CEP83: variants seen among roughly 807,000 people sequenced by gnomAD.
The protein encoded by CEP83 is centrosomal protein of 83 kDa.
CEP83 carries 70 observed loss-of-function variants against 101.9 expected under a neutral mutation model. The observed-to-expected ratio is 0.69, with a 90% CI of 0.57 to 0.84. The LOEUF (loss-of-function observed/expected upper bound fraction) is 0.84. Ranked by LOEUF, CEP83 falls within the 40% of genes least tolerant of loss-of-function variation. CEP83 has a pLI of 0.00. For synonymous variants in CEP83, 264 were observed against 267.9 expected (o/e 0.99, Z 0.14); for missense variants, 715 against 787.2 (o/e 0.91, Z 1.10).
At chr12:94,269,689 ATAC>A in the CEP83 span, among the ~76,000 whole-genome samples, 1 of 152,208 alleles carries the variant, frequency 6.6e-6, no homozygotes, top group East Asian at 1.9e-4. Context: ...CTTGTTTTTA[ATAC>A]TCCTACCATT....
At chr12:94,438,658 A>T (rs1208639963) in intron 1 of CEP83, among the ~76,000 whole-genome samples, 1 of 152,246 alleles carries the variant, frequency 6.6e-6, no homozygotes, top group African/African-American at 2.4e-5. Flanking sequence ...TCAACAAGGA[A>T]ACAACAGACT....
chr12:94,450,187 T>C (rs972127830), intron 1 of CEP83, among the ~76,000 whole-genome samples: 6 of 152,200 alleles, frequency 3.9e-5, no homozygotes, highest in South Asian at 4.2e-4. Flanking sequence ...ATAAATAACA[T>C]TGAGATTGGA....
At chr12:94,433,941 T>A (rs552000707) in intron 2 of CEP83, 1 of 152,314 alleles carries the variant, frequency 6.6e-6, no homozygotes, top group Admixed American at 6.5e-5. Flanking sequence ...TACACTGACC[T>A]TTGGCAAATG....
chr12:94,281,366 G>A, the CEP83 span, among the ~76,000 whole-genome samples: 96,203 of 151,986 alleles, frequency 0.63, 30,438 homozygotes, highest in Middle Eastern at 0.68. Flanking sequence ...ACTCAAAAAC[G>A]CAGATGCCCA....
the CEP83 span, among the ~76,000 whole-genome samples, chr12:94,285,918 T>TG: frequency 3.3e-5 from 5 of 152,050 alleles, no homozygotes; most frequent in South Asian, 8.3e-4. Context: ...TTGGCCACTG[T>TG]GGGGCATGGG....
At chr12:94,310,447 C>T (rs1311373062) in intron 15 of CEP83, among the ~76,000 whole-genome samples, 1 of 152,120 alleles carries the variant, frequency 6.6e-6, no homozygotes, top group Non-Finnish European at 1.5e-5. Context: ...AAAAGAGTGC[C>T]TTATCTTACA....
intron 2 of CEP83, among the ~76,000 whole-genome samples, chr12:94,421,766 G>A (rs1566157500): frequency 6.6e-6 from 1 of 152,276 alleles, no homozygotes; most frequent in East Asian, 1.9e-4. Context: ...ATGGTATATA[G>A]CCTATTGCTT....
chr12:94,274,219 T>A, the CEP83 span, among the ~76,000 whole-genome samples: 1 of 145,456 alleles, frequency 6.9e-6, no homozygotes, highest in Non-Finnish European at 1.5e-5. Context: ...GCACCTGTAG[T>A]CTCTGCTATG....
intron 11 of CEP83, among the ~76,000 whole-genome samples, chr12:94,354,846 C>T (rs1031260196): frequency 1.3e-5 from 2 of 151,994 alleles, no homozygotes; most frequent in African/African-American, 4.8e-5. Flanking sequence ...CCTGTCTGTA[C>T]TAAAAATATA....
intron 1 of CEP83, among the ~76,000 whole-genome samples, chr12:94,438,623 C>T (rs190067329): frequency 7.0e-4 from 106 of 152,284 alleles, no homozygotes; most frequent in Middle Eastern, 3.4e-3. Flanking sequence ...ACTAACAGCA[C>T]TAGACAAGTC....
chr12:94,311,795 A>G (rs1264894332), intron 15 of CEP83, among the ~76,000 whole-genome samples: 1 of 152,238 alleles, frequency 6.6e-6, no homozygotes, highest in East Asian at 1.9e-4. Flanking sequence ...ACATCCAGTA[A>G]TCAAATATAA....
chr12:94,424,051 C>T, intron 2 of CEP83: 2 of 1,611,902 alleles, frequency 1.2e-6, no homozygotes, highest in African/African-American at 1.3e-5. Flanking sequence ...GGTGGTGCAT[C>T]CAGGATGGGT....
chr12:94,279,609 T>C, the CEP83 span: 1 of 1,614,230 alleles, frequency 6.2e-7, no homozygotes, highest in Non-Finnish European at 8.5e-7. Flanking sequence ...TAAGCAAAAA[T>C]GGCTCTCCTT....
chr12:94,268,715 C>G, the CEP83 span, among the ~76,000 whole-genome samples: 1 of 150,964 alleles, frequency 6.6e-6, no homozygotes, highest in African/African-American at 2.4e-5. Flanking sequence ...CTGCCTCAGC[C>G]TCCCAAATAC....
intron 2 of CEP83, among the ~76,000 whole-genome samples, chr12:94,415,981 A>G (rs957716046): frequency 2.6e-5 from 4 of 152,200 alleles, no homozygotes; most frequent in African/African-American, 9.6e-5. Context: ...ATTTTAAAAG[A>G]CCAAGATCAT....
At chr12:94,310,911 T>A (rs1476051987) in intron 15 of CEP83, among the ~76,000 whole-genome samples, 1 of 152,178 alleles carries the variant, frequency 6.6e-6, no homozygotes, top group Non-Finnish European at 1.5e-5. Flanking sequence ...TCTGAAGTGA[T>A]AAGAGTATCT....
At chr12:94,286,268 A>G in the CEP83 span, among the ~76,000 whole-genome samples, 2 of 152,196 alleles carry the variant, frequency 1.3e-5, no homozygotes, top group African/African-American at 4.8e-5. Flanking sequence ...AAGCTAAGCC[A>G]TAAGGCAAAT....
chr12:94,384,123 G>C (rs1323314674), intron 6 of CEP83, among the ~76,000 whole-genome samples: 1 of 151,970 alleles, frequency 6.6e-6, no homozygotes, highest in Non-Finnish European at 1.5e-5. Context: ...CTTCTCTTTT[G>C]GATAGGTCTA....
Position 94,368,070 on chromosome 12 carries a change from A to ACT in CEP83, c.1179_1180insAG (p.Leu394SerfsTer7). 6.2e-7 allele frequency: 1 copy of ACT among 1,612,830 alleles called. No homozygotes were observed. The highest frequency in any genetic ancestry group is 8.5e-7 in the Non-Finnish European group (1 of 1,179,468). On this transcript the variant is annotated frameshift_variant, in exon 10 of 17. Coordinates refer to ENST00000397809, the MANE Select transcript of CEP83 (RefSeq NM_016122.3). LOFTEE classifies it high-confidence loss of function. ...TTAAGTACTTACTTTTCATCTTGTAATACCACAAGTTTTTGATAACCTTCT... is the reference window on the plus strand; with the variant it reads ...TTAAGTACTTACTTTTCATCTTGTAACTTACCACAAGTTTTTGATAACCTTCT...
Sources: gnomAD v4.1 joint callset for allele counts (sites outside exome capture counted in the v4.1 genomes callset) on GRCh38, gnomAD v4.1.1 for gene constraint, MANE v1.5 for transcripts, NCBI Gene and HGNC (gene_info 2026-07-23, HGNC 2026-07-21) for gene names.